The following SAR1B variants were observed in gnomAD, a reference collection of about 807,000 sequenced individuals.
SAR1B encodes the protein secretion associated Ras related GTPase 1B.
SAR1B carries 23 observed loss-of-function variants against 26.8 expected under a neutral mutation model. The ratio of observed to expected loss-of-function variants is 0.86; its 90% CI spans 0.62 to 1.22. The LOEUF (loss-of-function observed/expected upper bound fraction) is 1.22. Among genes scored for constraint, SAR1B ranks in the 50% most tolerant of loss-of-function variants. The pLI is 0.00. For synonymous variants in SAR1B, 65 were observed against 80.8 expected, an observed-to-expected ratio of 0.80 and a Z score of 1.05; for missense variants, 196 against 232.8, an observed-to-expected ratio of 0.84 and a Z score of 1.03.
At chr5:134,627,850 A>T (rs1765523780) in intron 1 of SAR1B, among the ~76,000 whole-genome samples, 1 of 133,734 alleles carries the variant, frequency 7.5e-6, no homozygotes, top group Non-Finnish European at 1.6e-5. Flanking sequence ...ATAAAACCAC[A>T]CATTAAGGGC....
rs1414020135 is a variant in SAR1B at position 134,605,977 on chromosome 5, T to G, written c.*973A>C. 1 of 152,212 alleles carries G rather than the reference T, an allele frequency of 6.6e-6. No individual in the cohort carries two copies. The highest frequency in any genetic ancestry group is 1.5e-5 in the Non-Finnish European group (1 of 68,050). 9.4% of individuals were successfully genotyped at this position (152,212 alleles called of 1,614,324 possible). On this transcript the variant is annotated 3_prime_UTR_variant, in exon 7 of 7. Transcript: ENST00000402673. ...TACAGAGACTGGGAATATATCTAAA[T>G]GTGGAGACACTGGTGCCTGTCATTG...
At chr5:134,622,735 T>C (rs1004552529) in intron 2 of SAR1B, among the ~76,000 whole-genome samples, 1 of 151,492 alleles carries the variant, frequency 6.6e-6, no homozygotes, top group Non-Finnish European at 1.5e-5. Flanking sequence ...TATTGCTTCA[T>C]ATATAAAGAG....
chr5:134,612,655 AAAAAAAAAAAAAAAAAAAAAAAAAAAG>A lies in SAR1B; in HGVS notation c.244+9_244+35del, dbSNP rs774508346. 2.0e-6 allele frequency: 1 copy of A among 508,092 alleles called. No homozygotes were observed. The highest frequency in any genetic ancestry group is 4.1e-5 in the South Asian group (1 of 24,298). The allele number at this position is 508,092 out of a possible 1,614,324, so 31.5% of individuals were successfully genotyped here. On this transcript the variant is annotated intron_variant, in intron 4 of 6. Coordinates refer to ENST00000402673, the MANE Select transcript of SAR1B (RefSeq NM_016103.4). The stretch of plus-strand genomic sequence containing the variant: ...GTGAGCCTGTCTAAAAAAAAAAAAA[AAAAAAAAAAAAAAAAAAAAAAAAAAAG>A]AATCTTACCTTGAACATGTCCACCC...
chr5:134,612,819 A>G (rs1765242480), intron 3 of SAR1B, 63 bp from the exon 4 acceptor site: 7 of 1,446,892 alleles, frequency 4.8e-6, no homozygotes, highest in Non-Finnish European at 5.7e-6. Context: ...TGTAAAAAGT[A>G]AAGTAGAGGT....
chr5:134,604,278 A>T lies in SAR1B; in HGVS notation c.*2672T>A, dbSNP rs1331090837. The T allele has an allele frequency of 2.6e-5, 4 of 152,222 alleles. No individual in the cohort carries two copies. The highest frequency in any genetic ancestry group is 4.1e-4 in the South Asian group (2 of 4,832). The allele number at this position is 152,222 out of a possible 1,614,324, so 9.4% of individuals were successfully genotyped here. A position where few individuals can be genotyped will look rare whatever the true frequency, so the allele number is the denominator to read the frequency against. ...AGTGCCTGATTTGTATGTATACCAC[A>T]GTGTTAACTACGCCCTAGCATCTTG... is the stretch of plus-strand genomic sequence containing the variant. On this transcript the variant is annotated 3_prime_UTR_variant, in exon 7 of 7. Coordinates refer to ENST00000402673, the MANE Select transcript of SAR1B (RefSeq NM_016103.4).
At position 134,602,266 on chromosome 5, in the gene SAR1B, A is replaced by G. The variant is rs1015179398; in HGVS notation, c.*4684T>C. On this transcript the variant is annotated 3_prime_UTR_variant, in exon 7 of 7. Coordinates refer to ENST00000402673, the MANE Select transcript of SAR1B (RefSeq NM_016103.4). ...ATGATGAAAGCCGTGAACAACAATT[A>G]GTGCCATTAAATATATTAGCTATTT... is the stretch of plus-strand genomic sequence containing the variant. 1 of 152,224 alleles carries G rather than the reference A, an allele frequency of 6.6e-6. No homozygotes were observed. The highest frequency in any genetic ancestry group is 2.4e-5 in the African/African-American group (1 of 41,458). 9.4% of individuals were successfully genotyped at this position (152,224 alleles called of 1,614,324 possible).
intron 3 of SAR1B, chr5:134,614,607 C>T (rs940503194): frequency 6.6e-6 from 1 of 152,226 alleles, no homozygotes. Context: ...TTACCCATTG[C>T]ATGCACAGAT....
At chr5:134,620,569 CA>C (rs1412751727) in intron 3 of SAR1B, among the ~76,000 whole-genome samples, 1 of 152,196 alleles carries the variant, frequency 6.6e-6, no homozygotes, top group Middle Eastern at 3.4e-3. Context: ...GCCCCCCAAA[CA>C]AAAAACTTGG....
chr5:134,631,360 A>G (rs1470185097), intron 1 of SAR1B, among the ~76,000 whole-genome samples: 1 of 152,318 alleles, frequency 6.6e-6, no homozygotes, highest in East Asian at 1.9e-4. Context: ...GGTGACAGAC[A>G]CAAGTCTACT....
At chr5:134,626,572 A>C (rs1561789650) in intron 1 of SAR1B, among the ~76,000 whole-genome samples, 4 of 152,184 alleles carry the variant, frequency 2.6e-5, no homozygotes, top group Admixed American at 2.6e-4. Flanking sequence ...TATTTATTGC[A>C]CCAATACCAA....
chr5:134,620,785 C>T, intron 3 of SAR1B, 148 bp downstream of exon 3: 1 of 889,366 alleles, frequency 1.1e-6, no homozygotes, highest in Non-Finnish European at 1.8e-6. Flanking sequence ...GCCCAGGAGA[C>T]AGAGGTTGCA....
intron 4 of SAR1B, among the ~76,000 whole-genome samples, chr5:134,611,364 C>T (rs941007916): frequency 1.2e-4 from 18 of 152,018 alleles, no homozygotes; most frequent in African/African-American, 3.9e-4. Context: ...CCCACCAATT[C>T]GGTAATATTG....
At chr5:134,624,630 T>G (rs1765466218) in intron 1 of SAR1B, among the ~76,000 whole-genome samples, 2 of 149,720 alleles carry the variant, frequency 1.3e-5, no homozygotes, top group African/African-American at 4.9e-5. Flanking sequence ...AGTGAGTTTT[T>G]TTTTTTTTTT....
Position 134,620,960 on chromosome 5 carries a change from CAAGTCT to C in SAR1B, c.145_150del (p.Arg49_Leu50del). The C allele has an allele frequency of 6.2e-7, 1 of 1,613,634 alleles. No individual in the cohort carries two copies. On this transcript the variant is annotated inframe_deletion, in exon 3 of 7. Transcript: ENST00000402673. ...GGATGTAATGTTGGGACATGTTGTCCAAGTCTGTCATCTTTTAGCATGTGTAGCAAT... is the reference window on the plus strand; with the variant it reads ...GGATGTAATGTTGGGACATGTTGTCCGTCATCTTTTAGCATGTGTAGCAAT...
intron 6 of SAR1B, among the ~76,000 whole-genome samples, chr5:134,607,552 C>T (rs1217160841): frequency 6.6e-6 from 1 of 152,096 alleles, no homozygotes; most frequent in Non-Finnish European, 1.5e-5. Context: ...GCGGGCGGAT[C>T]ACCTGAGGTC....
chr5:134,609,712 G>T, intron 4 of SAR1B, 38 bp from the exon 5 acceptor site: 1 of 1,528,672 alleles, frequency 6.5e-7, no homozygotes, highest in Non-Finnish European at 9.1e-7. Context: ...TTACTTGTTG[G>T]TCAAACCCAG....
Position 134,620,943 on chromosome 5 carries a change from T to C in SAR1B, c.168A>G (p.Thr56=). 1 of 1,613,882 alleles carries C rather than the reference T, an allele frequency of 6.2e-7. No homozygotes were observed. Among genetic ancestry groups the C allele is most frequent in the Non-Finnish European group, 8.5e-7 (1 of 1,179,748 alleles). The stretch of plus-strand genomic sequence containing the variant: ...TAGGAATATACTTACTGGGATGTAA[T>C]GTTGGGACATGTTGTCCAAGTCTGT... ...KDDRLGQHVP[T]LHPTSEELTI... Residue 56 remains threonine, a synonymous_variant, in exon 3 of 7, where the codon ACA becomes ACG. Coordinates refer to ENST00000402673, the MANE Select transcript of SAR1B (RefSeq NM_016103.4).
chr5:134,601,914 C>T lies in SAR1B; in HGVS notation c.*5036G>A, dbSNP rs754772195. 2 of 152,226 alleles carry T rather than the reference C, an allele frequency of 1.3e-5. No individual in the cohort carries two copies. Among genetic ancestry groups the T allele is most frequent in the Non-Finnish European group, 2.9e-5 (2 of 68,094 alleles). The allele number at this position is 152,226 out of a possible 1,614,324, so 9.4% of individuals were successfully genotyped here. A position where few individuals can be genotyped will look rare whatever the true frequency, so the allele number is the denominator to read the frequency against. On this transcript the variant is annotated 3_prime_UTR_variant, in exon 7 of 7. Coordinates refer to ENST00000402673, the MANE Select transcript of SAR1B (RefSeq NM_016103.4). ...CAAATATTAGCCAGCTGTGGTGGCG[C>T]ACGCCTGTAATCCAAGCTACTTGGA...
chr5:134,618,463 T>C (rs1334268669), intron 3 of SAR1B: 4 of 152,246 alleles, frequency 2.6e-5, no homozygotes, highest in Non-Finnish European at 5.9e-5. Context: ...TATTATCTAC[T>C]TTTTGGTCCA....
Sources: gnomAD v4.1 joint callset for allele counts (sites outside exome capture counted in the v4.1 genomes callset) on GRCh38, gnomAD v4.1.1 for gene constraint, MANE v1.5 for transcripts, NCBI Gene and HGNC (gene_info 2026-07-23, HGNC 2026-07-21) for gene names.